SYN3: variants seen among roughly 807,000 people sequenced by gnomAD.
The protein encoded by SYN3 is synapsin-3.
A neutral mutation model predicts 65.8 loss-of-function variants in SYN3; 35 were observed. The observed-to-expected ratio is 0.53, with a 90% CI of 0.41 to 0.70. The LOEUF (loss-of-function observed/expected upper bound fraction) is 0.70. Ranked by LOEUF, SYN3 falls within the 30% of genes least tolerant of loss-of-function variation. The pLI is 0.00. For synonymous variants in SYN3, 270 were observed against 292.9 expected (o/e 0.92, Z 0.80); for missense variants, 680 against 749.0 (o/e 0.91, Z 1.08).
chr22:32,545,704 G>A (rs1038794190), intron 7 of SYN3, among the ~76,000 whole-genome samples: 1 of 152,182 alleles, frequency 6.6e-6, no homozygotes, highest in Non-Finnish European at 1.5e-5. Flanking sequence ...GGGACTACAG[G>A]TGCGTGCCAC....
chr22:32,610,809 C>T (rs761272605), intron 6 of SYN3, among the ~76,000 whole-genome samples: 3 of 152,074 alleles, frequency 2.0e-5, no homozygotes, highest in Non-Finnish European at 2.9e-5. Flanking sequence ...CTCGAACTCT[C>T]GATCTCAGGT....
chr22:32,886,566 C>G (rs572966533), intron 4 of SYN3, among the ~76,000 whole-genome samples: 1 of 152,168 alleles, frequency 6.6e-6, no homozygotes, highest in East Asian at 1.9e-4. Context: ...TAAAATGCAC[C>G]CATTTGAAAC....
At chr22:32,952,384 T>A (rs554371650) in intron 3 of SYN3, among the ~76,000 whole-genome samples, 10 of 151,314 alleles carry the variant, frequency 6.6e-5, no homozygotes, top group African/African-American at 2.4e-4. Flanking sequence ...AGAAAAAAAA[T>A]AAAATAATAA....
intron 6 of SYN3, among the ~76,000 whole-genome samples, chr22:32,722,186 C>T (rs1160285541): frequency 2.0e-5 from 3 of 151,996 alleles, no homozygotes; most frequent in East Asian, 3.9e-4. Context: ...GAAGTATTTT[C>T]CCAAGCAGAT....
intron 6 of SYN3, among the ~76,000 whole-genome samples, chr22:32,722,897 A>G (rs565900738): frequency 6.6e-6 from 1 of 152,322 alleles, no homozygotes; most frequent in African/African-American, 2.4e-5. Flanking sequence ...TGGGAATAAT[A>G]ATAAAAGCCT....
intron 6 of SYN3, chr22:32,849,633 G>T (rs1188911009): frequency 9.7e-7 from 1 of 1,033,462 alleles, no homozygotes; most frequent in Non-Finnish European, 1.5e-6. Context: ...TGGGGTGTGT[G>T]TCTAAGCACC....
chr22:32,782,758 C>T (rs2046101540), intron 6 of SYN3, among the ~76,000 whole-genome samples: 1 of 151,986 alleles, frequency 6.6e-6, no homozygotes, highest in Non-Finnish European at 1.5e-5. Flanking sequence ...ACCTCATGAT[C>T]CGCCCGCGTC....
At chr22:32,918,457 C>G (rs1453702414) in intron 4 of SYN3, among the ~76,000 whole-genome samples, 2 of 152,202 alleles carry the variant, frequency 1.3e-5, no homozygotes, top group Non-Finnish European at 2.9e-5. Flanking sequence ...TTCTGGCTAT[C>G]TAGACCTTCT....
At chr22:32,830,936 C>T (rs889288081) in intron 6 of SYN3, among the ~76,000 whole-genome samples, 2 of 152,126 alleles carry the variant, frequency 1.3e-5, no homozygotes, top group Non-Finnish European at 2.9e-5. Context: ...TTTTGTTTAG[C>T]TTTTAAAAAA....
chr22:33,025,433 CAAAAA>C (rs33919912), intron 1 of SYN3, among the ~76,000 whole-genome samples: 4 of 78,730 alleles, frequency 5.1e-5, no homozygotes, highest in Non-Finnish European at 7.5e-5. Context: ...GACTCCGTCT[CAAAAA>C]AAAAAAAAAA....
intron 5 of SYN3, among the ~76,000 whole-genome samples, chr22:32,867,118 C>A (rs1025066720): frequency 6.6e-6 from 1 of 152,164 alleles, no homozygotes; most frequent in African/African-American, 2.4e-5. Flanking sequence ...AGAGCTCACA[C>A]TCTCAACTAC....
intron 7 of SYN3, among the ~76,000 whole-genome samples, chr22:32,573,764 G>GTTTT (rs1206847975): frequency 2.8e-5 from 3 of 108,492 alleles, no homozygotes; most frequent in East Asian, 2.5e-4. Context: ...GAAGGAAGGG[G>GTTTT]TTTTTTTTTT....
At chr22:32,998,776 T>TAAAAAAAAAAA (rs34372968) in intron 2 of SYN3, among the ~76,000 whole-genome samples, 92 of 81,880 alleles carry the variant, frequency 1.1e-3, no homozygotes, top group East Asian at 1.9e-3. Flanking sequence ...ATAGAAATAG[T>TAAAAAAAAAAA]AAAAAAAAAA....
intron 6 of SYN3, among the ~76,000 whole-genome samples, chr22:32,798,460 C>T (rs1051388880): frequency 2.6e-5 from 4 of 152,100 alleles, no homozygotes; most frequent in Non-Finnish European, 4.4e-5. Flanking sequence ...GTCCTTTTTA[C>T]GACTTCTCTT....
intron 3 of SYN3, among the ~76,000 whole-genome samples, chr22:32,955,007 G>T (rs1392802568): frequency 6.7e-6 from 1 of 148,696 alleles, no homozygotes; most frequent in Non-Finnish European, 1.5e-5. Flanking sequence ...AAGGAAAAAA[G>T]GCACTCAGAC....
At chr22:32,940,251 G>C (rs2050897119) in intron 3 of SYN3, among the ~76,000 whole-genome samples, 1 of 152,070 alleles carries the variant, frequency 6.6e-6, no homozygotes, top group Non-Finnish European at 1.5e-5. Flanking sequence ...ATATATTGTA[G>C]ATATGAGTTC....
At chr22:32,585,345 G>A (rs1294022068) in intron 7 of SYN3, among the ~76,000 whole-genome samples, 9 of 152,116 alleles carry the variant, frequency 5.9e-5, no homozygotes, top group South Asian at 4.2e-4. Flanking sequence ...TTTCCCCAGC[G>A]CCAGTCTAAG....
chr22:32,857,831 C>T (rs991866883), intron 6 of SYN3, among the ~76,000 whole-genome samples: 4 of 152,234 alleles, frequency 2.6e-5, no homozygotes, highest in South Asian at 2.1e-4. Flanking sequence ...GCCTCATTAT[C>T]CTCATCTGGA....
intron 6 of SYN3, among the ~76,000 whole-genome samples, chr22:32,757,458 C>T (rs1234129101): frequency 6.6e-6 from 1 of 152,088 alleles, no homozygotes; most frequent in African/African-American, 2.4e-5. Context: ...CCACCACGCC[C>T]AGCTAATTTT....
Sources: gnomAD v4.1 joint callset for allele counts (sites outside exome capture counted in the v4.1 genomes callset) on GRCh38, gnomAD v4.1.1 for gene constraint, MANE v1.5 for transcripts, NCBI Gene and HGNC (gene_info 2026-07-23, HGNC 2026-07-21) for gene names.